FHIT: variants seen among roughly 807,000 people sequenced by gnomAD.
The protein encoded by FHIT is fragile histidine triad diadenosine triphosphatase.
In FHIT, 19 loss-of-function variants were observed where a neutral mutation model predicts 17.9. The observed-to-expected ratio is 1.06, with a 90% CI of 0.74 to 1.56. The LOEUF (loss-of-function observed/expected upper bound fraction) is 1.56, where lower values mean the gene tolerates loss of function less well. Ranked by LOEUF, FHIT falls within the 40% of genes most tolerant of loss-of-function variation. The pLI is 0.00. For missense variants in FHIT, 248 were observed against 189.2 expected, an observed-to-expected ratio of 1.31 and a Z score of -1.82; for synonymous variants, 81 against 69.7, an observed-to-expected ratio of 1.16 and a Z score of -0.81.
At chr3:60,816,908 T>C (rs782658321) in intron 4 of FHIT, among the ~76,000 whole-genome samples, 40 of 152,034 alleles carry the variant, frequency 2.6e-4, no homozygotes, top group Non-Finnish European at 8.8e-5. Context: ...TATGGTTGCA[T>C]TTAGAGCTGC....
intron 4 of FHIT, among the ~76,000 whole-genome samples, chr3:60,774,188 T>C (rs1267177548): frequency 6.6e-6 from 1 of 152,232 alleles, no homozygotes; most frequent in Non-Finnish European, 1.5e-5. Context: ...AGTTCCCTCT[T>C]GTGCACAGGG....
At chr3:60,722,931 C>T (rs540383216) in intron 4 of FHIT, among the ~76,000 whole-genome samples, 1 of 152,078 alleles carries the variant, frequency 6.6e-6, no homozygotes, top group Admixed American at 6.5e-5. Flanking sequence ...ACCACATTGG[C>T]GCTGGTCTCG....
At chr3:60,696,633 AAG>A (rs1231077991) in intron 4 of FHIT, among the ~76,000 whole-genome samples, 3 of 152,202 alleles carry the variant, frequency 2.0e-5, no homozygotes, top group Non-Finnish European at 2.9e-5. Context: ...CACAAAAGGA[AAG>A]AGAGTCTGTG....
intron 5 of FHIT, among the ~76,000 whole-genome samples, chr3:60,481,201 G>A (rs989131044): frequency 1.3e-5 from 2 of 152,158 alleles, no homozygotes; most frequent in African/African-American, 4.8e-5. Flanking sequence ...ACAACTGATT[G>A]GAGTACCTGA....
chr3:60,393,795 C>T (rs116407709), intron 5 of FHIT, among the ~76,000 whole-genome samples: 4,936 of 152,208 alleles, frequency 0.032, 114 homozygotes, highest in Middle Eastern at 0.099. Context: ...CACATGGCAA[C>T]GATTGCATGG....
Position 60,765,789 on chromosome 3 carries a change from G to A in FHIT, c.-18+56130C>T, listed in dbSNP as rs147936762. On this transcript the variant is annotated intron_variant, in intron 4 of 9. Transcript: ENST00000492590. Reference sequence around the variant, plus strand: ...CCTTCAGTGTGGGTGGGTACCATCCGATCGGCTGCCAGTGCAGCTAGACCA... The same window carrying A: ...CCTTCAGTGTGGGTGGGTACCATCCAATCGGCTGCCAGTGCAGCTAGACCA... 9.2e-4 allele frequency among the ~76,000 whole-genome samples: 140 copies of A among 152,314 alleles called. 3 individuals carry two copies. In the South Asian group the frequency reaches 0.027, roughly 29 times the overall value.
chr3:59,977,816 C>G (rs1174127490), intron 7 of FHIT, among the ~76,000 whole-genome samples: 1 of 152,110 alleles, frequency 6.6e-6, no homozygotes, highest in Non-Finnish European at 1.5e-5. Context: ...GGACAAATTT[C>G]TGATAGTTCT....
At position 60,042,318 on chromosome 3, in the gene FHIT, G is replaced by A. The variant is rs182862653; in HGVS notation, c.104-28166C>T. ...TTCTTTCCTCCATAGTCCTACCATC[G>A]ATATATCCTTTGTAGGACTCTATTA... On this transcript the variant is annotated intron_variant, in intron 5 of 9. Transcript: ENST00000492590. Among the ~76,000 whole-genome samples the A allele has an allele frequency of 1.1e-3, 170 of 152,228 alleles. 1 individual carries two copies. Among genetic ancestry groups the A allele is most frequent in the South Asian group, 7.5e-3 (36 of 4,818 alleles).
intron 4 of FHIT, among the ~76,000 whole-genome samples, chr3:60,614,842 G>GT (rs1340171852): frequency 1.7e-5 from 1 of 59,538 alleles, no homozygotes. Flanking sequence ...TTTTTTTTTT[G>GT]TTTTTTGAGA....
chr3:60,827,021 A>G (rs562649783), intron 3 of FHIT, among the ~76,000 whole-genome samples: 1 of 133,724 alleles, frequency 7.5e-6, no homozygotes, highest in East Asian at 2.0e-4. Context: ...AACTTTGCTT[A>G]AAAAAAAAAG....
intron 5 of FHIT, among the ~76,000 whole-genome samples, chr3:60,047,432 T>C (rs1701698133): frequency 1.3e-5 from 2 of 152,212 alleles, no homozygotes; most frequent in African/African-American, 4.8e-5. Context: ...TAAATCATGT[T>C]CAACTTCAAA....
Position 60,654,247 on chromosome 3 carries a change from G to A in FHIT, c.-17-117268C>T, listed in dbSNP as rs1461855491. 2.0e-5 allele frequency among the ~76,000 whole-genome samples: 3 copies of A among 152,068 alleles called. No individual in the cohort carries two copies. The East Asian group carries it at 5.8e-4, about 29-fold the overall frequency. On this transcript the variant is annotated intron_variant, in intron 4 of 9. Transcript: ENST00000492590. ...TTCTTTATAAATTATCCAGTCTCAG[G>A]TATTTATAGCAATGCAAAAATGGCC...
intron 5 of FHIT, among the ~76,000 whole-genome samples, chr3:60,031,216 T>C (rs1243440682): frequency 6.6e-6 from 1 of 152,212 alleles, no homozygotes; most frequent in Non-Finnish European, 1.5e-5. Flanking sequence ...GGGAGGTGAT[T>C]TCTCACTCTG....
At chr3:60,836,303 C>T (rs73111751) in intron 3 of FHIT, among the ~76,000 whole-genome samples, 14 of 152,114 alleles carry the variant, frequency 9.2e-5, no homozygotes, top group East Asian at 1.9e-4. Flanking sequence ...AAATGAATTG[C>T]GAAGTGTTCT....
intron 5 of FHIT, among the ~76,000 whole-genome samples, chr3:60,304,211 CT>C (rs141978184): frequency 0.1 from 15,939 of 152,116 alleles, 891 homozygotes; most frequent in Non-Finnish European, 0.12. Flanking sequence ...TGTGAACACA[CT>C]AGCACATTAC....
At chr3:60,983,135 T>TC (rs546728177) in intron 3 of FHIT, among the ~76,000 whole-genome samples, 30 of 148,844 alleles carry the variant, frequency 2.0e-4, no homozygotes, top group African/African-American at 5.5e-4. Context: ...ACCTTCTCTC[T>TC]TGTGTGTGTG....
At chr3:61,044,342 G>A (rs1484448969) in intron 2 of FHIT, among the ~76,000 whole-genome samples, 3 of 152,164 alleles carry the variant, frequency 2.0e-5, no homozygotes, top group South Asian at 4.1e-4. Context: ...ACATGCACAA[G>A]TTTCGGTAGC....
chr3:59,871,491 C>G (rs1702924106), intron 8 of FHIT, among the ~76,000 whole-genome samples: 2 of 152,132 alleles, frequency 1.3e-5, no homozygotes, highest in Admixed American at 1.3e-4. Flanking sequence ...CACCTCCACC[C>G]CATTTTTCAG....
At chr3:59,752,075 G>C in intron 9 of FHIT, 146 bp downstream of exon 9, 1 of 563,096 alleles carries the variant, frequency 1.8e-6, no homozygotes, top group South Asian at 2.3e-5. Context: ...AAGGGCCAGG[G>C]TTTTCTCCCC....
Sources: gnomAD v4.1 joint callset for allele counts (sites outside exome capture counted in the v4.1 genomes callset) on GRCh38, gnomAD v4.1.1 for gene constraint, MANE v1.5 for transcripts, NCBI Gene and HGNC (gene_info 2026-07-23, HGNC 2026-07-21) for gene names.